Variants in MLXIPL observed in about 807,000 individuals in gnomAD.
MLXIPL encodes the protein carbohydrate-responsive element-binding protein.
Under a neutral mutation model 81.5 loss-of-function variants are expected in MLXIPL, and 49 were observed. The observed-to-expected ratio is 0.60, with a 90% confidence interval of 0.48 to 0.76. MLXIPL has a LOEUF of 0.76. Among genes scored for constraint, MLXIPL ranks in the 30% least tolerant of loss-of-function variants. MLXIPL has a pLI of 0.00. For synonymous variants in MLXIPL, 466 were observed against 485.5 expected, an observed-to-expected ratio of 0.96 and a Z score of 0.53; for missense variants, 1,053 against 1,167.0, an observed-to-expected ratio of 0.90 and a Z score of 1.42.
chr7:73,621,754 TC>T (rs1796378214), intron 1 of MLXIPL, among the ~76,000 whole-genome samples: 1 of 54,976 alleles, frequency 1.8e-5, no homozygotes, highest in Non-Finnish European at 3.3e-5. Flanking sequence ...TCTCCCTCCC[TC>T]CCTCCCTTCC....
upstream of MLXIPL, among the ~76,000 whole-genome samples, chr7:73,628,383 G>A (rs1554604100): frequency 1.3e-5 from 2 of 152,122 alleles, no homozygotes; most frequent in Non-Finnish European, 2.9e-5. Context: ...CCCTCCTCCA[G>A]GGCTTAATAA....
intron 8 of MLXIPL, among the ~76,000 whole-genome samples, chr7:73,598,419 A>G (rs997044867): frequency 1.3e-5 from 2 of 152,002 alleles, no homozygotes; most frequent in East Asian, 1.9e-4. Context: ...TTAACCACCA[A>G]TGAACCCATT....
chr7:73,621,620 T>A (rs760084646), intron 1 of MLXIPL, among the ~76,000 whole-genome samples: 15 of 151,660 alleles, frequency 9.9e-5, no homozygotes, highest in Non-Finnish European at 7.4e-5. Context: ...GCTTTTCCAC[T>A]ACCAAATGGG....
intron 7 of MLXIPL, among the ~76,000 whole-genome samples, chr7:73,602,191 A>T (rs1324455154): frequency 3.2e-3 from 173 of 53,592 alleles, no homozygotes; most frequent in South Asian, 4.9e-3. Context: ...TCTTTCTTTC[A>T]TCTCTCTCTC....
intron 5 of MLXIPL, 192 bp downstream of exon 5, chr7:73,606,782 C>A: frequency 1.5e-6 from 1 of 657,082 alleles, no homozygotes; most frequent in Non-Finnish European, 2.7e-6. Flanking sequence ...GGGGTCTTCT[C>A]ACCACCTCAC....
intron 8 of MLXIPL, 86 bp from the exon 9 acceptor site, chr7:73,597,799 C>T: frequency 3.8e-6 from 4 of 1,057,142 alleles, no homozygotes; most frequent in Non-Finnish European, 5.0e-6. Context: ...CCCTGCCTTG[C>T]CCTGGCCAAA....
chr7:73,634,397 G>A, the MLXIPL span, among the ~76,000 whole-genome samples: 1 of 151,932 alleles, frequency 6.6e-6, no homozygotes, highest in Non-Finnish European at 1.5e-5. Context: ...TACTTTAAAA[G>A]GAAAATTTTT....
the MLXIPL span, among the ~76,000 whole-genome samples, chr7:73,635,056 C>T: frequency 6.6e-6 from 1 of 151,180 alleles, no homozygotes; most frequent in African/African-American, 2.4e-5. Context: ...AAACTCCTGA[C>T]TTCAAGTGAT....
the MLXIPL span, among the ~76,000 whole-genome samples, chr7:73,636,265 C>T: frequency 6.6e-6 from 1 of 151,924 alleles, no homozygotes; most frequent in East Asian, 1.9e-4. Flanking sequence ...CAAAAATTAG[C>T]CGGATCCGGT....
At chr7:73,626,974 T>A (rs1796764865), upstream of MLXIPL, among the ~76,000 whole-genome samples, 1 of 152,218 alleles carries the variant, frequency 6.6e-6, no homozygotes, top group East Asian at 1.9e-4. Flanking sequence ...CCCCAGCCAC[T>A]GGCTGTGGGA....
intron 2 of MLXIPL, among the ~76,000 whole-genome samples, chr7:73,614,808 C>CGTTT (rs1563505241): frequency 1.1e-4 from 15 of 130,892 alleles, no homozygotes; most frequent in African/African-American, 4.4e-4. Context: ...TTTGTTTTGC[C>CGTTT]CTTTTTTTTT....
upstream of MLXIPL, chr7:73,624,708 C>T (rs974176449): frequency 3.3e-6 from 2 of 598,678 alleles, no homozygotes; most frequent in African/African-American, 2.0e-5. Flanking sequence ...ATCTCCCTTC[C>T]CGTCTTTCCT....
At chr7:73,622,351 A>T (rs1796436869) in intron 1 of MLXIPL, among the ~76,000 whole-genome samples, 1 of 151,704 alleles carries the variant, frequency 6.6e-6, no homozygotes, top group African/African-American at 2.4e-5. Flanking sequence ...AATTAGCTGG[A>T]GGTGGTGGGC....
intron 8 of MLXIPL, among the ~76,000 whole-genome samples, chr7:73,598,520 C>A (rs961443106): frequency 6.6e-6 from 1 of 152,166 alleles, no homozygotes; most frequent in Non-Finnish European, 1.5e-5. Flanking sequence ...CACCAACCCA[C>A]GTGTGCCTCC....
chr7:73,602,691 G>C (rs1019131931), intron 7 of MLXIPL, among the ~76,000 whole-genome samples: 5 of 152,040 alleles, frequency 3.3e-5, no homozygotes, highest in Non-Finnish European at 7.4e-5. Flanking sequence ...AAAAAAGGGG[G>C]ACCAGGTGGG....
At chr7:73,644,061 T>C in the MLXIPL span, among the ~76,000 whole-genome samples, 3 of 152,076 alleles carry the variant, frequency 2.0e-5, no homozygotes, top group Non-Finnish European at 4.4e-5. Context: ...TGTGCCACCA[T>C]GCTTGGCTAA....
At chr7:73,613,121 C>G (rs183733667) in intron 2 of MLXIPL, among the ~76,000 whole-genome samples, 3 of 152,108 alleles carry the variant, frequency 2.0e-5, no homozygotes, top group Non-Finnish European at 2.9e-5. Flanking sequence ...CCCTAAGGCC[C>G]GACATTAGTG....
At chr7:73,618,341 C>T (rs1220790560) in intron 1 of MLXIPL, among the ~76,000 whole-genome samples, 1 of 152,210 alleles carries the variant, frequency 6.6e-6, no homozygotes, top group Non-Finnish European at 1.5e-5. Flanking sequence ...AAGTGATCCA[C>T]CCACCTTGGC....
At chr7:73,641,305 CTGGGGA>C in the MLXIPL span, among the ~76,000 whole-genome samples, 1 of 152,164 alleles carries the variant, frequency 6.6e-6, no homozygotes, top group Non-Finnish European at 1.5e-5. Flanking sequence ...GGTTGGCTCA[CTGGGGA>C]CCCATGGATC....
Sources: gnomAD v4.1 joint callset for allele counts (sites outside exome capture counted in the v4.1 genomes callset) on GRCh38, gnomAD v4.1.1 for gene constraint, MANE v1.5 for transcripts, NCBI Gene and HGNC (gene_info 2026-07-23, HGNC 2026-07-21) for gene names.